The following BRD10 variants were observed in gnomAD, a reference collection of about 807,000 sequenced individuals.
The protein encoded by BRD10 is bromodomain containing 10.
chr9:5,967,451 T>A, the BRD10 span, among the ~76,000 whole-genome samples: 2 of 152,188 alleles, frequency 1.3e-5, no homozygotes, highest in African/African-American at 2.4e-5. Flanking sequence ...CAAATCCTTT[T>A]ACAGAAATAT....
At chr9:5,921,596 C>G in the BRD10 span, 1 of 1,613,874 alleles carries the variant, frequency 6.2e-7, no homozygotes, top group South Asian at 1.1e-5. Flanking sequence ...AACTGGAGTC[C>G]CACTGATTAC....
chr9:5,988,917 T>C, the BRD10 span, among the ~76,000 whole-genome samples: 1 of 152,194 alleles, frequency 6.6e-6, no homozygotes, highest in East Asian at 1.9e-4. Context: ...AAATGTAAAA[T>C]GATACATAAA....
the BRD10 span, among the ~76,000 whole-genome samples, chr9:5,982,596 C>G: frequency 6.6e-6 from 1 of 152,192 alleles, no homozygotes; most frequent in South Asian, 2.1e-4. Context: ...CGGGACTCTG[C>G]AGAGAGTTGC....
At chr9:5,954,938 A>G in the BRD10 span, among the ~76,000 whole-genome samples, 2 of 152,058 alleles carry the variant, frequency 1.3e-5, no homozygotes, top group Non-Finnish European at 2.9e-5. Context: ...AAATACAAAA[A>G]TTAGCCGGGT....
chr9:5,944,713 T>G, the BRD10 span, among the ~76,000 whole-genome samples: 1 of 152,030 alleles, frequency 6.6e-6, no homozygotes, highest in African/African-American at 2.4e-5. Flanking sequence ...AAATGAAAAC[T>G]AGACCACACA....
At chr9:5,984,982 A>T in the BRD10 span, among the ~76,000 whole-genome samples, 1 of 152,162 alleles carries the variant, frequency 6.6e-6, no homozygotes, top group East Asian at 1.9e-4. Flanking sequence ...AACCCCATAA[A>T]GTTGGAAGAC....
At chr9:5,968,448 G>C in the BRD10 span, 1 of 1,612,386 alleles carries the variant, frequency 6.2e-7, no homozygotes, top group Non-Finnish European at 8.5e-7. Context: ...ACTTCCCCTG[G>C]ACTCCTTGGT....
At chr9:5,965,003 A>G in the BRD10 span, among the ~76,000 whole-genome samples, 2 of 149,364 alleles carry the variant, frequency 1.3e-5, no homozygotes, top group African/African-American at 4.9e-5. Flanking sequence ...ACATGTATAC[A>G]TATGTAACTA....
chr9:5,924,238 C>G, the BRD10 span, among the ~76,000 whole-genome samples: 1 of 151,656 alleles, frequency 6.6e-6, no homozygotes. Flanking sequence ...AGTTTGCAGT[C>G]AATTACTGGC....
chr9:5,985,756 G>A, the BRD10 span, among the ~76,000 whole-genome samples: 3 of 151,060 alleles, frequency 2.0e-5, no homozygotes, highest in Admixed American at 1.3e-4. Context: ...CTGCACTCCA[G>A]CCTGGGCAAC....
At chr9:5,987,118 G>A in the BRD10 span, among the ~76,000 whole-genome samples, 1 of 152,118 alleles carries the variant, frequency 6.6e-6, no homozygotes, top group African/African-American at 2.4e-5. Context: ...ATACAAGGAA[G>A]GTGCTTAGAG....
chr9:5,970,631 A>G, the BRD10 span, among the ~76,000 whole-genome samples: 1 of 152,250 alleles, frequency 6.6e-6, no homozygotes, highest in African/African-American at 2.4e-5. Flanking sequence ...GACATCATCA[A>G]GAAAGTAAAG....
the BRD10 span, among the ~76,000 whole-genome samples, chr9:5,937,268 C>T: frequency 2.6e-4 from 39 of 149,220 alleles, no homozygotes; most frequent in African/African-American, 9.3e-4. Context: ...TTATAAAAGA[C>T]ACACTAGCCT....
chr9:5,882,055 T>G, the BRD10 span, among the ~76,000 whole-genome samples: 1 of 152,234 alleles, frequency 6.6e-6, no homozygotes, highest in Admixed American at 6.5e-5. Flanking sequence ...CATAGTCTCC[T>G]GCAGGATTTT....
the BRD10 span, among the ~76,000 whole-genome samples, chr9:5,882,466 G>T: frequency 6.6e-6 from 1 of 152,140 alleles, no homozygotes; most frequent in African/African-American, 2.4e-5. Context: ...ATTGAACCCT[G>T]ACAAATGAAA....
chr9:5,913,996 C>G, the BRD10 span: 1 of 452,182 alleles, frequency 2.2e-6, no homozygotes, highest in South Asian at 1.6e-5. Context: ...AAAACTTGAT[C>G]ATTTCCCATG....
At chr9:5,914,698 C>T in the BRD10 span, among the ~76,000 whole-genome samples, 1 of 152,054 alleles carries the variant, frequency 6.6e-6, no homozygotes, top group Non-Finnish European at 1.5e-5. Context: ...GCTGGGATTA[C>T]AGGTGTGAGC....
At chr9:5,945,492 G>A in the BRD10 span, among the ~76,000 whole-genome samples, 3 of 152,084 alleles carry the variant, frequency 2.0e-5, no homozygotes, top group African/African-American at 4.8e-5. Context: ...ACAAAATGAA[G>A]TACACATTCT....
chr9:5,937,529 C>T, the BRD10 span, among the ~76,000 whole-genome samples: 29 of 151,948 alleles, frequency 1.9e-4, no homozygotes, highest in East Asian at 5.8e-4. Flanking sequence ...AACAAGACTC[C>T]GTTTACAAAA....
Sources: allele counts gnomAD v4.1 joint callset (sites outside exome capture counted in the v4.1 genomes callset), GRCh38; gene constraint gnomAD v4.1.1; transcripts MANE v1.5; gene names NCBI Gene and HGNC (gene_info 2026-07-23, HGNC 2026-07-21).